NSD2: variants seen among roughly 807,000 people sequenced by gnomAD.
The protein encoded by NSD2 is histone-lysine N-methyltransferase NSD2.
Under a neutral mutation model 139.0 loss-of-function variants are expected in NSD2, and 12 were observed. The observed-to-expected ratio is 0.09, with a 90% CI of 0.06 to 0.14. The LOEUF is 0.14. Among genes scored for constraint, NSD2 ranks in the 10% least tolerant of loss-of-function variants. The probability of loss-of-function intolerance (pLI) is 1.00; values close to 1 mark genes in which losing one functional copy is unlikely to be tolerated. For missense variants in NSD2, 1,155 were observed against 1,745.0 expected (o/e 0.66, Z 6.02); for synonymous variants, 669 against 648.7 (o/e 1.03, Z -0.48).
intron 5 of NSD2, among the ~76,000 whole-genome samples, chr4:1,921,851 ATAG>A (rs750985858): frequency 1.3e-5 from 2 of 151,996 alleles, no homozygotes; most frequent in African/African-American, 4.8e-5. Context: ...TGTACGGAAA[ATAG>A]TAGCCAATAT....
intron 3 of NSD2, among the ~76,000 whole-genome samples, chr4:1,908,110 G>A (rs1327942716): frequency 6.6e-6 from 1 of 152,184 alleles, no homozygotes; most frequent in Non-Finnish European, 1.5e-5. Context: ...CTGTACTTCA[G>A]GGTTGAGATG....
Position 1,980,910 on chromosome 4 carries a change from G to A in NSD2, c.*2001G>A, listed in dbSNP as rs1441381560. The A allele has an allele frequency of 4.3e-6, 1 of 233,184 alleles. No homozygotes were observed. Among genetic ancestry groups the A allele is most frequent in the Admixed American group, 5.6e-5 (1 of 17,782 alleles). The allele number at this position is 233,184 out of a possible 1,614,324, so 14.4% of individuals were successfully genotyped here. ...TCCTTATGATGCCCTAACTTGGAAG[G>A]TTGTTCTAGGGACAGGCCGGGCAGT... On this transcript the variant is annotated 3_prime_UTR_variant, in exon 22 of 22. Coordinates refer to ENST00000508803, the MANE Select transcript of NSD2 (RefSeq NM_001042424.3).
At chr4:1,939,608 C>G in intron 8 of NSD2, 46 bp from the exon 9 acceptor site, 4 of 1,584,982 alleles carry the variant, frequency 2.5e-6, no homozygotes, top group Non-Finnish European at 3.5e-6. Context: ...GTAAAAAGAT[C>G]AAGGGTTTAT....
Position 1,918,553 on chromosome 4 carries a change from C to A in NSD2, c.1340C>A (p.Ser447Tyr), listed in dbSNP as rs1306925576. The A allele has an allele frequency of 1.5e-5, 24 of 1,613,884 alleles. No individual in the cohort carries two copies. Among genetic ancestry groups the A allele is most frequent in the Non-Finnish European group, 2.0e-5 (24 of 1,179,954 alleles). ...SPPGRKKTTV[S>Y]MPRSRKGDAA... ...CCTGGGAGGAAGAAGACCACAGTCT[C>A]CATGCCACGAAGCAGGAAGGGAGAT... The change falls in exon 5 of 22, where the codon TCC (serine) becomes TAC (tyrosine). Residue 447 changes from serine (S) to tyrosine (Y), a missense_variant. Physicochemically the swap from Ser to Tyr is moderately radical, Grantham distance 144. Transcript: ENST00000508803.
rs1727816057 is a variant in NSD2, at chr4:1,982,029, T to TTTGA, written c.*3122_*3125dup. 2 of 398,110 alleles carry TTTGA rather than the reference T, an allele frequency of 5.0e-6. No individual in the cohort carries two copies. Among genetic ancestry groups the TTTGA allele is most frequent in the South Asian group, 2.6e-4 (2 of 7,702 alleles). The allele number at this position is 398,110 out of a possible 1,614,324, so 24.7% of individuals were successfully genotyped here. ...AGGAATACTGGGTGCTGTCACCAGGTTTGATAGTTAGACTTAAAAACTTGA... is the reference window on the plus strand; with the variant it reads ...AGGAATACTGGGTGCTGTCACCAGGTTTGATTGATAGTTAGACTTAAAAACTTGA... On this transcript the variant is annotated 3_prime_UTR_variant, in exon 22 of 22. Transcript: ENST00000508803.
chr4:1,945,946 T>G lies in NSD2; in HGVS notation c.1882-5126T>G, dbSNP rs1271965775. 4.7e-6 allele frequency: 5 copies of G among 1,054,306 alleles called. No homozygotes were observed. The African/African-American group carries it at 8.3e-5, about 17-fold the overall frequency. The allele number at this position is 1,054,306 out of a possible 1,614,324, so 65.3% of individuals were successfully genotyped here. A position where few individuals can be genotyped will look rare whatever the true frequency, so the allele number is the denominator to read the frequency against. Reference sequence around the variant, plus strand: ...ACATCTAGCCCTTTTAAATTTTTAATTAATTTCAAAGCTTCCTCTGGCCAG... The same window carrying G: ...ACATCTAGCCCTTTTAAATTTTTAAGTAATTTCAAAGCTTCCTCTGGCCAG... On this transcript the variant is annotated intron_variant, in intron 9 of 21. Transcript: ENST00000508803.
intron 3 of NSD2, 106 bp downstream of exon 3, chr4:1,904,484 T>C: frequency 8.0e-7 from 1 of 1,253,184 alleles, no homozygotes; most frequent in Non-Finnish European, 1.1e-6. Flanking sequence ...CTATGGTTCA[T>C]TTTTGCAGCT....
At position 1,941,634 on chromosome 4, in the gene NSD2, C is replaced by A. The variant is rs1577502638; in HGVS notation, c.1881+1856C>A. 7.7e-6 allele frequency: 8 copies of A among 1,038,114 alleles called. 1 individual carries two copies. Among genetic ancestry groups the A allele is most frequent in the South Asian group, 4.6e-5 (1 of 21,676 alleles). The allele number at this position is 1,038,114 out of a possible 1,614,324, so 64.3% of individuals were successfully genotyped here. ...CATTAAATATGTGAAATTAATACAC[C>A]TTCCTACATTTTGAAGGTGATGCAT... On this transcript the variant is annotated intron_variant, in intron 9 of 21. Coordinates refer to ENST00000508803, the MANE Select transcript of NSD2 (RefSeq NM_001042424.3).
chr4:1,979,041 G>C lies in NSD2; in HGVS notation c.*132G>C, dbSNP rs756306584. On this transcript the variant is annotated 3_prime_UTR_variant, in exon 22 of 22. Coordinates refer to ENST00000508803, the MANE Select transcript of NSD2 (RefSeq NM_001042424.3). The stretch of plus-strand genomic sequence containing the variant: ...AGGACACAGACGTACAGGCCTCCTC[G>C]GGAGGGAGCGCCTCCCCACCACTGA... The C allele has an allele frequency of 7.5e-6, 9 of 1,201,288 alleles. No homozygotes were observed. The highest frequency in any genetic ancestry group is 1.0e-5 in the Non-Finnish European group (9 of 901,460). The allele number at this position is 1,201,288 out of a possible 1,614,324, so 74.4% of individuals were successfully genotyped here.
At chr4:1,951,862 T>A (rs1421933825) in intron 10 of NSD2, 1 of 530,680 alleles carries the variant, frequency 1.9e-6, no homozygotes, top group Non-Finnish European at 3.2e-6. Context: ...AGGGTTGTGA[T>A]CCTGTTACTT....
chr4:1,940,094 T>C, intron 9 of NSD2: 1 of 1,197,430 alleles, frequency 8.4e-7, no homozygotes. Context: ...GCCCTCACAC[T>C]GTAAGAGTTC....
At chr4:1,920,143 G>A (rs1719930239) in intron 5 of NSD2, among the ~76,000 whole-genome samples, 1 of 152,110 alleles carries the variant, frequency 6.6e-6, no homozygotes, top group African/African-American at 2.4e-5. Context: ...CCAGAGAAAG[G>A]CATTTGAGTG....
intron 7 of NSD2, among the ~76,000 whole-genome samples, chr4:1,935,951 C>G (rs954337256): frequency 1.6e-4 from 24 of 152,068 alleles, no homozygotes; most frequent in African/African-American, 5.8e-4. Context: ...GCATCAAAGT[C>G]CATTAGAGAT....
intron 3 of NSD2, among the ~76,000 whole-genome samples, chr4:1,904,782 T>C (rs1191171475): frequency 6.6e-6 from 1 of 152,196 alleles, no homozygotes; most frequent in Non-Finnish European, 1.5e-5. Flanking sequence ...CATCTTTGTC[T>C]TATGAAGCTT....
chr4:1,899,416 G>A (rs1577387918), intron 1 of NSD2: 1 of 152,280 alleles, frequency 6.6e-6, no homozygotes, highest in East Asian at 1.9e-4. Context: ...GCCCCCTAGT[G>A]GTGGTAATAA....
Position 1,953,371 on chromosome 4 carries a change from C to G in NSD2, c.2185C>G (p.Arg729Gly), listed in dbSNP as rs1194038054. 6.2e-7 allele frequency: 1 copy of G among 1,614,208 alleles called. No homozygotes were observed. Among genetic ancestry groups the G allele is most frequent in the Non-Finnish European group, 8.5e-7 (1 of 1,180,042 alleles). The part of the protein sequence containing the change: ...VCKESKTDVK[R>G]CVVTQCGKFY... ...TAAAGAGAGCAAGACAGATGTTAAG[C>G]GCTGTGTGGTAACTCAGTGTGGAAA... is the stretch of plus-strand genomic sequence containing the variant. Residue 729 changes from arginine to glycine, a missense_variant, in exon 12 of 22, where the codon CGC becomes GGC. Physicochemically the swap from Arg to Gly is moderately radical, Grantham distance 125. Around this residue, in one of 8 missense-constraint regions of NSD2, gnomAD observed 120 missense variants for 239.3 expected, o/e 0.50. Coordinates refer to ENST00000508803, the MANE Select transcript of NSD2 (RefSeq NM_001042424.3).
At chr4:1,895,816 C>T (rs1429267288) in intron 1 of NSD2, among the ~76,000 whole-genome samples, 5 of 152,298 alleles carry the variant, frequency 3.3e-5, no homozygotes, top group South Asian at 4.1e-4. Flanking sequence ...CCTTCTTAGG[C>T]GGAGGCTTGG....
Position 1,948,380 on chromosome 4 carries a change from A to G in NSD2, c.1882-2692A>G, listed in dbSNP as rs1723857560. On this transcript the variant is annotated intron_variant, in intron 9 of 21. Transcript: ENST00000508803. This position sits in a 1 kb window ranked among gnomAD's most constrained non-coding sequence, Gnocchi z 4.5. Reference sequence around the variant, plus strand: ...GTACAGGTGAATGTGCCACCTCCACAAATGGCTTCTCCGAGTGAGTCACGT... The same window carrying G: ...GTACAGGTGAATGTGCCACCTCCACGAATGGCTTCTCCGAGTGAGTCACGT... The G allele has an allele frequency of 9.4e-7, 1 of 1,066,284 alleles. No homozygotes were observed. Among genetic ancestry groups the G allele is most frequent in the Non-Finnish European group, 1.1e-6 (1 of 878,934 alleles). The allele number at this position is 1,066,284 out of a possible 1,614,324, so 66.1% of individuals were successfully genotyped here. A position where few individuals can be genotyped will look rare whatever the true frequency, so the allele number is the denominator to read the frequency against.
chr4:1,959,315 T>C (rs1310899599), intron 16 of NSD2, among the ~76,000 whole-genome samples, 156 bp from the exon 17 acceptor site: 1 of 152,080 alleles, frequency 6.6e-6, no homozygotes, highest in Non-Finnish European at 1.5e-5. Context: ...CTCTGGGATC[T>C]GGGGAGGGCT....
Sources: gnomAD v4.1 joint callset for allele counts (sites outside exome capture counted in the v4.1 genomes callset) on GRCh38, gnomAD v4.1.1 for gene constraint, gnomAD v4.1.1 regional missense constraint, Gnocchi (gnomAD v3.1) non-coding constraint, MANE v1.5 for transcripts, NCBI Gene and HGNC (gene_info 2026-07-23, HGNC 2026-07-21) for gene names.